The following C2CD2 variants were observed in gnomAD, a reference collection of about 807,000 sequenced individuals.
C2CD2 encodes C2 calcium dependent domain containing 2.
Under a neutral mutation model 74.3 loss-of-function variants are expected in C2CD2, and 43 were observed. The ratio of observed to expected loss-of-function variants is 0.58; its 90% CI spans 0.45 to 0.75. The LOEUF (loss-of-function observed/expected upper bound fraction) is 0.75. C2CD2 is among the 30% of genes least tolerant of loss of function. C2CD2 has a pLI of 0.00. For missense variants in C2CD2, 801 were observed against 916.3 expected (o/e 0.87, Z 1.63); for synonymous variants, 422 against 390.7 (o/e 1.08, Z -0.94).
chr21:41,940,988 G>A (rs931149987), intron 2 of C2CD2, among the ~76,000 whole-genome samples: 1 of 150,878 alleles, frequency 6.6e-6, no homozygotes. Flanking sequence ...AATATATAAT[G>A]ATAATAATAA....
intron 7 of C2CD2, among the ~76,000 whole-genome samples, chr21:41,910,789 A>C (rs2065017564): frequency 6.6e-6 from 1 of 152,176 alleles, no homozygotes; most frequent in Middle Eastern, 3.2e-3. Flanking sequence ...TTTGGTACTC[A>C]GCTAATTCAT....
intron 13 of C2CD2, among the ~76,000 whole-genome samples, chr21:41,890,323 A>G (rs1290067535): frequency 6.6e-6 from 1 of 152,182 alleles, no homozygotes; most frequent in Non-Finnish European, 1.5e-5. Context: ...CTATATACAG[A>G]TATTTACCTG....
chr21:41,917,293 G>A (rs1013275639), intron 5 of C2CD2, among the ~76,000 whole-genome samples: 13 of 152,140 alleles, frequency 8.5e-5, no homozygotes, highest in African/African-American at 3.1e-4. Flanking sequence ...ACATCACACA[G>A]GAATTTGTAT....
intron 11 of C2CD2, among the ~76,000 whole-genome samples, chr21:41,902,972 G>C (rs1009753377): frequency 4.6e-5 from 7 of 152,124 alleles, no homozygotes; most frequent in Admixed American, 4.6e-4. Context: ...GTGGGGAAGG[G>C]AAAGGGGCTA....
chr21:41,933,519 T>C (rs150682325), intron 2 of C2CD2, among the ~76,000 whole-genome samples: 2 of 152,328 alleles, frequency 1.3e-5, no homozygotes, highest in African/African-American at 2.4e-5. Context: ...CCTGGACATT[T>C]TACAAGAGAT....
Position 41,901,607 on chromosome 21 carries a change from C to G in C2CD2, c.1560+15G>C, listed in dbSNP as rs765360154. 1.2e-6 allele frequency: 2 copies of G among 1,613,994 alleles called. No individual in the cohort carries two copies. The highest frequency in any genetic ancestry group is 1.7e-6 in the Non-Finnish European group (2 of 1,179,834). The stretch of plus-strand genomic sequence containing the variant: ...GATGACCAGATGAACACCTCCCCAG[C>G]CACCACGATGGTACCTTGGAGATCC... On this transcript the variant is annotated intron_variant, in intron 12 of 13. Coordinates refer to ENST00000380486, the MANE Select transcript of C2CD2 (RefSeq NM_015500.2).
chr21:41,924,807 C>CT lies in C2CD2; in HGVS notation c.379-2723dup, dbSNP rs747459177. 7.9e-5 allele frequency among the ~76,000 whole-genome samples: 12 copies of CT among 152,340 alleles called. No homozygotes were observed. The highest frequency in any genetic ancestry group is 4.6e-4 in the Admixed American group (7 of 15,306). On this transcript the variant is annotated intron_variant, in intron 2 of 13. Coordinates refer to ENST00000380486, the MANE Select transcript of C2CD2 (RefSeq NM_015500.2). The surrounding 1 kb of genome is among the most constrained non-coding windows in gnomAD (Gnocchi z 4.4). ...ATCAGCATTGTACCAAGAAAACAGA[C>CT]TCAGAGCCTCAACCCGAGCAAGAAA...
At chr21:41,901,570 A>AG in intron 12 of C2CD2, 52 bp downstream of exon 12, 1 of 1,583,082 alleles carries the variant, frequency 6.3e-7, no homozygotes, top group East Asian at 2.2e-5. Context: ...GAGGAGCAGC[A>AG]GGTCACTGAC....
chr21:41,948,923 A>C (rs1481519072), intron 1 of C2CD2, among the ~76,000 whole-genome samples: 1 of 117,888 alleles, frequency 8.5e-6, no homozygotes, highest in Admixed American at 1.2e-4. Flanking sequence ...TAATGATCAT[A>C]GTCTTGATCA....
chr21:41,897,554 G>C (rs2064838717), intron 13 of C2CD2, among the ~76,000 whole-genome samples: 1 of 152,174 alleles, frequency 6.6e-6, no homozygotes, highest in Non-Finnish European at 1.5e-5. Context: ...TCTGTGGAGG[G>C]GGGTCCATGC....
In C2CD2 at chr21:41,888,894, C is replaced by G. The variant is rs1305464952; in HGVS notation, c.*230G>C. On this transcript the variant is annotated 3_prime_UTR_variant, in exon 14 of 14. Coordinates refer to ENST00000380486, the MANE Select transcript of C2CD2 (RefSeq NM_015500.2). Reference sequence around the variant, plus strand: ...AGCACAGCCCAAGCTCTGCAGCTGTCAAGTCTCATTTAGCATCTGGTGGCA... The same window carrying G: ...AGCACAGCCCAAGCTCTGCAGCTGTGAAGTCTCATTTAGCATCTGGTGGCA... The G allele has an allele frequency of 1.7e-6, 1 of 585,840 alleles. No individual in the cohort carries two copies. The highest frequency in any genetic ancestry group is 1.9e-5 in the African/African-American group (1 of 53,624). 36.3% of individuals were successfully genotyped at this position (585,840 alleles called of 1,614,324 possible).
At chr21:41,925,728 C>A (rs1012156464) in intron 2 of C2CD2, among the ~76,000 whole-genome samples, 1 of 152,148 alleles carries the variant, frequency 6.6e-6, no homozygotes, top group Admixed American at 6.6e-5. Flanking sequence ...GTGGCAGGGC[C>A]CCCACGGGCT....
chr21:41,925,146 G>A (rs1260177754), intron 2 of C2CD2, among the ~76,000 whole-genome samples: 11 of 152,072 alleles, frequency 7.2e-5, no homozygotes, highest in Non-Finnish European at 1.5e-4. Context: ...TGCAGACCAA[G>A]CCTTTCTTAG....
rs1024054916 is a variant in C2CD2, at chr21:41,903,897, G to A, written c.1432+1827C>T. 2.0e-5 allele frequency among the ~76,000 whole-genome samples: 3 copies of A among 152,180 alleles called. No homozygotes were observed. The highest frequency in any genetic ancestry group is 7.2e-5 in the African/African-American group (3 of 41,442). Reference sequence around the variant, plus strand: ...CATGGGCAGTGGGGGCACTGCCAGGGGAAGAAACTGAGGAAGGGGCATCAG... The same window carrying A: ...CATGGGCAGTGGGGGCACTGCCAGGAGAAGAAACTGAGGAAGGGGCATCAG... On this transcript the variant is annotated intron_variant, in intron 11 of 13. Coordinates refer to ENST00000380486, the MANE Select transcript of C2CD2 (RefSeq NM_015500.2). This position sits in a 1 kb window ranked among gnomAD's most constrained non-coding sequence, Gnocchi z 4.5.
At chr21:41,930,719 A>AAAAGAAAG (rs553280461) in intron 2 of C2CD2, among the ~76,000 whole-genome samples, 1 of 150,046 alleles carries the variant, frequency 6.7e-6, no homozygotes. Flanking sequence ...AACAAAAAAA[A>AAAAGAAAG]AAAGAAAGAA....
intron 5 of C2CD2, among the ~76,000 whole-genome samples, chr21:41,915,848 G>A (rs977012757): frequency 5.9e-5 from 9 of 151,958 alleles, no homozygotes; most frequent in South Asian, 4.2e-4. Flanking sequence ...CACAACGTGC[G>A]GGTTAAAGAG....
rs1272413507 is a variant in C2CD2 at position 41,931,871 on chromosome 21, ACCACCCCACCT to A, written c.379-9797_379-9787del. ...CCCACCACTCCACCTCCAACATCCC[ACCACCCCACCT>A]CCAGCATCCCACCACCCCACCTCCA... On this transcript the variant is annotated intron_variant, in intron 2 of 13. Transcript: ENST00000380486. Among the ~76,000 whole-genome samples, 53 of 87,292 alleles carry A rather than the reference ACCACCCCACCT, an allele frequency of 6.1e-4. 1 individual carries two copies. The highest frequency in any genetic ancestry group is 1.7e-4 in the Non-Finnish European group (7 of 41,162). The allele number at this position is 87,292 out of a possible 152,430, so 57.3% of individuals were successfully genotyped here.
At position 41,901,811 on chromosome 21, in the gene C2CD2, C is replaced by A. The variant is rs969163133; in HGVS notation, c.1433-62G>T. The A allele has an allele frequency of 3.7e-5, 54 of 1,450,430 alleles. No individual in the cohort carries two copies. The South Asian group carries it at 6.0e-4, about 16-fold the overall frequency. 89.8% of individuals were successfully genotyped at this position (1,450,430 alleles called of 1,614,324 possible). A position where few individuals can be genotyped will look rare whatever the true frequency, so the allele number is the denominator to read the frequency against. ...AAATTAAAGACTTCCATGGGAACTT[C>A]CAGGGATAATGGAAATGGTCGATAA... On this transcript the variant is annotated intron_variant, in intron 11 of 13. Transcript: ENST00000380486.
chr21:41,913,348 T>C (rs1407746074), intron 6 of C2CD2, among the ~76,000 whole-genome samples: 1 of 152,208 alleles, frequency 6.6e-6, no homozygotes, highest in Non-Finnish European at 1.5e-5. Context: ...CTGGAATGTG[T>C]GGACGCTGGA....
Sources: allele counts gnomAD v4.1 joint callset (sites outside exome capture counted in the v4.1 genomes callset), GRCh38; gene constraint gnomAD v4.1.1; non-coding constraint Gnocchi (gnomAD v3.1); transcripts MANE v1.5; gene names NCBI Gene and HGNC (gene_info 2026-07-23, HGNC 2026-07-21).